Variants in PTPRA observed in about 807,000 individuals in gnomAD.
PTPRA encodes the protein protein tyrosine phosphatase receptor type A, also known as receptor-type tyrosine-protein phosphatase alpha.
In PTPRA, 25 loss-of-function variants were observed where a neutral mutation model predicts 104.8. The ratio of observed to expected loss-of-function variants is 0.24; its 90% CI spans 0.17 to 0.33. The LOEUF is 0.33. PTPRA is among the 10% of genes least tolerant of loss of function. The pLI, the probability that PTPRA is intolerant of heterozygous loss-of-function variation, is 1.00. For missense variants in PTPRA, 765 were observed against 1,015.3 expected (o/e 0.75, Z 3.35); for synonymous variants, 323 against 368.9 (o/e 0.88, Z 1.43).
At chr20:2,979,636 C>T (rs566935261) in intron 6 of PTPRA, among the ~76,000 whole-genome samples, 1 of 152,338 alleles carries the variant, frequency 6.6e-6, no homozygotes, top group Non-Finnish European at 1.5e-5. Context: ...AAGCGATCCT[C>T]CAGCCTCAGC....
chr20:2,922,781 C>T (rs1334543964), intron 1 of PTPRA, among the ~76,000 whole-genome samples: 3 of 151,926 alleles, frequency 2.0e-5, no homozygotes, highest in African/African-American at 7.3e-5. Flanking sequence ...ATTAGAGATG[C>T]GTGCCACCAT....
chr20:2,890,695 A>G (rs971142914), intron 1 of PTPRA, among the ~76,000 whole-genome samples: 7 of 152,220 alleles, frequency 4.6e-5, no homozygotes, highest in African/African-American at 1.7e-4. Context: ...TCAACTTTAC[A>G]GTCTTTATTC....
intron 5 of PTPRA, among the ~76,000 whole-genome samples, chr20:2,974,971 C>T (rs746275619): frequency 2.0e-5 from 3 of 152,130 alleles, no homozygotes; most frequent in Admixed American, 6.5e-5. Flanking sequence ...TAATAACATG[C>T]GTTCTGTTTG....
chr20:2,986,641 C>T (rs1434142706), intron 6 of PTPRA, 124 bp from the exon 7 acceptor site: 1 of 816,356 alleles, frequency 1.2e-6, no homozygotes, highest in Non-Finnish European at 2.1e-6. Context: ...TCTCTGTTTC[C>T]ATTTCCTGGC....
At chr20:2,886,538 C>G (rs1007709916) in intron 1 of PTPRA, among the ~76,000 whole-genome samples, 4 of 152,130 alleles carry the variant, frequency 2.6e-5, no homozygotes, top group African/African-American at 9.6e-5. Context: ...GATTTCATGT[C>G]CATTTGTTAG....
At chr20:2,902,136 C>G (rs947484791) in intron 1 of PTPRA, among the ~76,000 whole-genome samples, 1 of 152,096 alleles carries the variant, frequency 6.6e-6, no homozygotes, top group East Asian at 1.9e-4. Context: ...GCACTTCCCT[C>G]GGCCTCCCAA....
Position 3,037,035 on chromosome 20 carries a change from A to G in PTPRA, c.2199-119A>G. The G allele has an allele frequency of 7.0e-7, 1 of 1,433,728 alleles. No homozygotes were observed. The highest frequency in any genetic ancestry group is 9.5e-7 in the Non-Finnish European group (1 of 1,053,620). 88.8% of individuals were successfully genotyped at this position (1,433,728 alleles called of 1,614,324 possible). A position where few individuals can be genotyped will look rare whatever the true frequency, so the allele number is the denominator to read the frequency against. On this transcript the variant is annotated intron_variant, in intron 22 of 23. Transcript: ENST00000399903. This position sits in a 1 kb window ranked among gnomAD's most constrained non-coding sequence, Gnocchi z 4.3. Reference sequence around the variant, plus strand: ...AGAACCCCTCCAGGCTGGTGGGTCCACAGGGCAAAGGCGAGCACCAGCTGC... The same window carrying G: ...AGAACCCCTCCAGGCTGGTGGGTCCGCAGGGCAAAGGCGAGCACCAGCTGC...
rs1186375063 is a variant in PTPRA, at chr20:2,909,985, T to TATCATA, written c.-128-13221_-128-13216dup. ...TATGATATATATATAATCTATCATA[T>TATCATA]ATCATATATATAATCTATCATATAT... On this transcript the variant is annotated intron_variant, in intron 1 of 23. Coordinates refer to ENST00000399903, the MANE Select transcript of PTPRA (RefSeq NM_001385305.1). Among the ~76,000 whole-genome samples the TATCATA allele has an allele frequency of 4.8e-3, 477 of 98,538 alleles. 4 individuals are homozygous for TATCATA. Among genetic ancestry groups the TATCATA allele is most frequent in the African/African-American group, 0.019 (440 of 22,744 alleles). The allele number at this position is 98,538 out of a possible 152,430, so 64.6% of individuals were successfully genotyped here. A position where few individuals can be genotyped will look rare whatever the true frequency, so the allele number is the denominator to read the frequency against.
upstream of PTPRA, among the ~76,000 whole-genome samples, chr20:2,871,788 G>C (rs530463046): frequency 6.6e-5 from 10 of 152,332 alleles, no homozygotes; most frequent in South Asian, 4.1e-4. Flanking sequence ...ACCCTCACTG[G>C]GGTCTGAGCG....
chr20:2,953,447 G>A (rs2061421369), intron 3 of PTPRA, among the ~76,000 whole-genome samples: 1 of 151,968 alleles, frequency 6.6e-6, no homozygotes, highest in African/African-American at 2.4e-5. Flanking sequence ...TAGAGGTGGG[G>A]TTTCACTGTG....
Position 3,031,834 on chromosome 20 carries a change from T to C in PTPRA, c.1921-3751T>C, listed in dbSNP as rs1266591404. Among the ~76,000 whole-genome samples, 3 of 152,314 alleles carry C rather than the reference T, an allele frequency of 2.0e-5. No homozygotes were observed. The East Asian group carries it at 5.8e-4, about 29-fold the overall frequency. On this transcript the variant is annotated intron_variant, in intron 20 of 23. Transcript: ENST00000399903. ...TTTTCTGATTTGAGTTTTTGTGGTA[T>C]GTCATTATTACCTTTCCTTATTCCC...
rs1026133618 is a variant in PTPRA at position 2,908,388 on chromosome 20, AAAAT to A, written c.-128-14817_-128-14814del. On this transcript the variant is annotated intron_variant, in intron 1 of 23. Coordinates refer to ENST00000399903, the MANE Select transcript of PTPRA (RefSeq NM_001385305.1). ...TACATATACAACCAAACGTGGATCA[AAAAT>A]ACGTTATTTGAGGAAACCCCCAGAT... Among the ~76,000 whole-genome samples the A allele has an allele frequency of 5.9e-3, 899 of 152,312 alleles. 7 individuals are homozygous for A. Among genetic ancestry groups the A allele is most frequent in the African/African-American group, 0.021 (864 of 41,552 alleles).
chr20:2,969,375 G>A (rs1340174828), intron 5 of PTPRA, among the ~76,000 whole-genome samples: 1 of 151,620 alleles, frequency 6.6e-6, no homozygotes, highest in Non-Finnish European at 1.5e-5. Flanking sequence ...AGCCTCCTGA[G>A]TAGCTGGGAT....
intron 1 of PTPRA, among the ~76,000 whole-genome samples, chr20:2,910,025 C>CATATATCATATCATATATAAT (rs1368967666): frequency 3.7e-5 from 3 of 80,956 alleles, no homozygotes; most frequent in Non-Finnish European, 3.9e-5. Context: ...TATAATCTAT[C>CATATATCATATCATATATAAT]ATATATCATA....
chr20:3,015,011 A>G (rs533291814), intron 11 of PTPRA, among the ~76,000 whole-genome samples: 4 of 152,174 alleles, frequency 2.6e-5, no homozygotes, highest in Non-Finnish European at 5.9e-5. Flanking sequence ...CTTGTCCCCC[A>G]CTGCCTGTGA....
At chr20:2,917,822 T>C (rs1312119169) in intron 1 of PTPRA, among the ~76,000 whole-genome samples, 59 of 151,760 alleles carry the variant, frequency 3.9e-4, no homozygotes, top group Admixed American at 3.8e-3. Flanking sequence ...AGTAAGACTT[T>C]AGGGCGCAGT....
chr20:3,035,724 T>C lies in PTPRA; in HGVS notation c.2046+14T>C, dbSNP rs761026956. 5.0e-6 allele frequency: 8 copies of C among 1,614,178 alleles called. No homozygotes were observed. The East Asian group carries it at 1.8e-4, about 36-fold the overall frequency. On this transcript the variant is annotated intron_variant, in intron 21 of 23. Coordinates refer to ENST00000399903, the MANE Select transcript of PTPRA (RefSeq NM_001385305.1). The surrounding 1 kb of genome is among the most constrained non-coding windows in gnomAD (Gnocchi z 5.8). ...ACCAACACCAGGGTAAGATGGGTCG[T>C]GGGTGGACTCTGCCCACAGGAAAAG...
At chr20:2,870,594 G>C (rs1013472728), upstream of PTPRA, among the ~76,000 whole-genome samples, 4 of 152,236 alleles carry the variant, frequency 2.6e-5, no homozygotes, top group African/African-American at 9.6e-5. Flanking sequence ...GCTGTGTCCA[G>C]CACATGGTCT....
chr20:2,880,868 G>T (rs1487195608), intron 1 of PTPRA, among the ~76,000 whole-genome samples: 1 of 152,010 alleles, frequency 6.6e-6, no homozygotes, highest in Non-Finnish European at 1.5e-5. Flanking sequence ...AAAATTAGCC[G>T]TGTGGTGTCA....
Sources: gnomAD v4.1 joint callset for allele counts (sites outside exome capture counted in the v4.1 genomes callset) on GRCh38, gnomAD v4.1.1 for gene constraint, Gnocchi (gnomAD v3.1) non-coding constraint, MANE v1.5 for transcripts, NCBI Gene and HGNC (gene_info 2026-07-23, HGNC 2026-07-21) for gene names.